Variants in KIAA0825 observed in about 807,000 individuals in gnomAD.
The protein encoded by KIAA0825 is uncharacterized protein KIAA0825.
In KIAA0825, 119 loss-of-function variants were observed where a neutral mutation model predicts 147.6. That is an observed-to-expected ratio of 0.81 (90% CI 0.69 to 0.94). The LOEUF is 0.94. Ranked by LOEUF, KIAA0825 falls within the 40% of genes least tolerant of loss-of-function variation. The pLI, the probability that KIAA0825 is intolerant of heterozygous loss-of-function variation, is 0.00. For missense variants in KIAA0825, 1,381 were observed against 1,472.7 expected (o/e 0.94, Z 1.02); for synonymous variants, 470 against 518.1 (o/e 0.91, Z 1.26).
At chr5:94,609,810 T>A (rs982631054) in intron 1 of KIAA0825, among the ~76,000 whole-genome samples, 1 of 151,802 alleles carries the variant, frequency 6.6e-6, no homozygotes, top group African/African-American at 2.4e-5. Context: ...CCAGATTTCA[T>A]CTCAAAAAAG....
chr5:94,164,986 C>A (rs1312063024), intron 20 of KIAA0825, among the ~76,000 whole-genome samples: 1 of 152,134 alleles, frequency 6.6e-6, no homozygotes, highest in Non-Finnish European at 1.5e-5. Flanking sequence ...CAAGCACAGG[C>A]AACCAAAGCG....
intron 15 of KIAA0825, among the ~76,000 whole-genome samples, chr5:94,411,914 A>C (rs1202603095): frequency 6.6e-6 from 1 of 151,574 alleles, no homozygotes; most frequent in African/African-American, 2.4e-5. Context: ...CCGACTGCAC[A>C]CCAGCCTGGG....
In KIAA0825 at chr5:94,495,519, C is replaced by A. The variant is rs139096152; in HGVS notation, c.971-10589G>T. On this transcript the variant is annotated intron_variant, in intron 5 of 20. Coordinates refer to ENST00000682413, the MANE Select transcript of KIAA0825 (RefSeq NM_001145678.3). ...CATGCACAAGGCACCATGTGACATG[C>A]ATCACCTGCAGTGACAGGAGACAGG... 2.1e-3 allele frequency among the ~76,000 whole-genome samples: 327 copies of A among 152,310 alleles called. 2 individuals are homozygous for A. Among genetic ancestry groups the A allele is most frequent in the African/African-American group, 7.6e-3 (316 of 41,556 alleles).
At chr5:94,543,686 G>T (rs1244563) in intron 2 of KIAA0825, among the ~76,000 whole-genome samples, 7 of 152,170 alleles carry the variant, frequency 4.6e-5, no homozygotes, top group African/African-American at 1.7e-4. Flanking sequence ...GCAACACTTA[G>T]GATTAAGGGC....
chr5:94,263,852 G>T (rs966786052), intron 20 of KIAA0825, among the ~76,000 whole-genome samples: 1 of 152,090 alleles, frequency 6.6e-6, no homozygotes, highest in Non-Finnish European at 1.5e-5. Flanking sequence ...ACCATCCTCA[G>T]ATCTGCTAGG....
intron 20 of KIAA0825, among the ~76,000 whole-genome samples, chr5:94,279,013 T>G (rs1182725979): frequency 6.6e-6 from 1 of 152,072 alleles, no homozygotes; most frequent in Non-Finnish European, 1.5e-5. Flanking sequence ...AATATGAAAT[T>G]CTGCCCTGTC....
chr5:94,353,187 A>T (rs1783888905), intron 20 of KIAA0825, among the ~76,000 whole-genome samples: 1 of 152,228 alleles, frequency 6.6e-6, no homozygotes, highest in African/African-American at 2.4e-5. Flanking sequence ...TAAAAAAACT[A>T]TTTATTAGAA....
intron 7 of KIAA0825, among the ~76,000 whole-genome samples, chr5:94,474,670 C>T (rs1367746336): frequency 2.0e-5 from 3 of 152,074 alleles, no homozygotes; most frequent in Non-Finnish European, 4.4e-5. Context: ...TTATATGATT[C>T]CATGACTCTA....
intron 20 of KIAA0825, among the ~76,000 whole-genome samples, chr5:94,220,216 C>T (rs1033764003): frequency 1.3e-5 from 2 of 152,152 alleles, no homozygotes; most frequent in East Asian, 3.9e-4. Context: ...TCAGAGTCAT[C>T]AATATCACTG....
chr5:94,567,683 G>A (rs1561326976), intron 2 of KIAA0825: 1 of 152,132 alleles, frequency 6.6e-6, no homozygotes, highest in Non-Finnish European at 1.5e-5. Flanking sequence ...CTTCATCCTA[G>A]CCCTAGCATG....
chr5:94,552,292 A>T (rs1044489277), intron 2 of KIAA0825, among the ~76,000 whole-genome samples: 5 of 152,180 alleles, frequency 3.3e-5, no homozygotes, highest in Non-Finnish European at 7.4e-5. Flanking sequence ...ATGTAAAAGG[A>T]GACACAGACT....
intron 20 of KIAA0825, among the ~76,000 whole-genome samples, chr5:94,345,460 T>C (rs1385612458): frequency 6.6e-6 from 1 of 152,038 alleles, no homozygotes; most frequent in East Asian, 1.9e-4. Flanking sequence ...GGCTTTGGAG[T>C]CAACTGTCAG....
chr5:94,461,455 G>A (rs1308515956), intron 12 of KIAA0825, among the ~76,000 whole-genome samples: 9 of 151,822 alleles, frequency 5.9e-5, no homozygotes, highest in Admixed American at 3.9e-4. Context: ...AGTATCAACC[G>A]TATGGTGATT....
chr5:94,555,050 T>C (rs572558619), intron 2 of KIAA0825, among the ~76,000 whole-genome samples: 4 of 152,086 alleles, frequency 2.6e-5, no homozygotes, highest in African/African-American at 9.6e-5. Context: ...ATTATAAATG[T>C]CCTTCATTGT....
At chr5:94,545,242 G>A (rs945029477) in intron 2 of KIAA0825, among the ~76,000 whole-genome samples, 4 of 152,150 alleles carry the variant, frequency 2.6e-5, no homozygotes, top group African/African-American at 9.7e-5. Flanking sequence ...ACCACAGGCT[G>A]CGGTGCTCTG....
intron 20 of KIAA0825, among the ~76,000 whole-genome samples, chr5:94,295,640 T>C (rs1213735628): frequency 6.6e-6 from 1 of 152,202 alleles, no homozygotes; most frequent in African/African-American, 2.4e-5. Context: ...TTGATGCTAT[T>C]CCTTTCTGTT....
intron 20 of KIAA0825, among the ~76,000 whole-genome samples, chr5:94,308,784 G>T (rs1321095745): frequency 6.6e-6 from 1 of 151,738 alleles, no homozygotes; most frequent in African/African-American, 2.4e-5. Flanking sequence ...TTCAGTCATT[G>T]CCCCTTTTGG....
intron 20 of KIAA0825, among the ~76,000 whole-genome samples, chr5:94,316,785 T>C (rs1779705416): frequency 6.6e-6 from 1 of 151,748 alleles, no homozygotes; most frequent in African/African-American, 2.4e-5. Flanking sequence ...TATTTTATTG[T>C]TTTTTTAATT....
At chr5:94,155,002 G>A (rs1766902780) in intron 20 of KIAA0825, among the ~76,000 whole-genome samples, 1 of 152,048 alleles carries the variant, frequency 6.6e-6, no homozygotes. Flanking sequence ...TGCTGATACA[G>A]TCTAAAAGAT....
Sources: allele counts gnomAD v4.1 joint callset (sites outside exome capture counted in the v4.1 genomes callset), GRCh38; gene constraint gnomAD v4.1.1; transcripts MANE v1.5; gene names NCBI Gene and HGNC (gene_info 2026-07-23, HGNC 2026-07-21).